The following CNTN6 variants were observed in gnomAD, a reference collection of about 807,000 sequenced individuals.
CNTN6 encodes the protein contactin-6.
CNTN6 carries 137 observed loss-of-function variants against 122.8 expected under a neutral mutation model. The ratio of observed to expected loss-of-function variants is 1.12; its 90% CI spans 0.97 to 1.29. CNTN6 has a LOEUF of 1.29. Among genes scored for constraint, CNTN6 ranks in the 50% most tolerant of loss-of-function variants. The probability of loss-of-function intolerance (pLI) is 0.00; values close to 1 mark genes in which losing one functional copy is unlikely to be tolerated. For missense variants in CNTN6, 1,634 were observed against 1,223.4 expected, an observed-to-expected ratio of 1.34 and a Z score of -5.01; for synonymous variants, 570 against 426.0, an observed-to-expected ratio of 1.34 and a Z score of -4.16.
intron 1 of CNTN6, among the ~76,000 whole-genome samples, chr3:1,100,040 C>T (rs1189490278): frequency 6.6e-6 from 1 of 152,086 alleles, no homozygotes. Context: ...CATATTTGCA[C>T]TATTTATTTT....
chr3:1,133,301 G>T (rs1197611367), intron 1 of CNTN6, among the ~76,000 whole-genome samples: 1 of 152,080 alleles, frequency 6.6e-6, no homozygotes, highest in East Asian at 1.9e-4. Context: ...CAAATAACTT[G>T]ATCTTTTCAA....
In CNTN6 at chr3:1,403,484, C is replaced by A; in HGVS notation, c.*66C>A. 1.0e-6 allele frequency: 1 copy of A among 965,908 alleles called. No homozygotes were observed. Among genetic ancestry groups the A allele is most frequent in the South Asian group, 1.5e-5 (1 of 68,434 alleles). 59.8% of individuals were successfully genotyped at this position (965,908 alleles called of 1,614,324 possible). A position where few individuals can be genotyped will look rare whatever the true frequency, so the allele number is the denominator to read the frequency against. On this transcript the variant is annotated 3_prime_UTR_variant, in exon 23 of 23. Coordinates refer to ENST00000446702, the MANE Select transcript of CNTN6 (RefSeq NM_001289080.2). ...ATCATTCTGTATATATGCTCTCCAGCCTCTGACACAAGATGCGTTCTTAAT... is the reference window on the plus strand; with the variant it reads ...ATCATTCTGTATATATGCTCTCCAGACTCTGACACAAGATGCGTTCTTAAT...
At chr3:1,162,584 T>G (rs1012172939) in intron 2 of CNTN6, among the ~76,000 whole-genome samples, 2 of 152,244 alleles carry the variant, frequency 1.3e-5, no homozygotes, top group African/African-American at 4.8e-5. Context: ...GGGCTTTAAC[T>G]TGATATATCT....
intron 4 of CNTN6, among the ~76,000 whole-genome samples, chr3:1,249,935 T>C (rs535046254): frequency 3.9e-5 from 6 of 152,284 alleles, no homozygotes; most frequent in African/African-American, 1.4e-4. Context: ...TGTTTCTGTT[T>C]TGTTTTTTTG....
At chr3:1,319,605 T>A (rs1700567318) in intron 7 of CNTN6, among the ~76,000 whole-genome samples, 1 of 151,608 alleles carries the variant, frequency 6.6e-6, no homozygotes, top group South Asian at 2.1e-4. Context: ...TTACTTATAT[T>A]TTGTCTGAAT....
intron 3 of CNTN6, 90 bp from the exon 4 acceptor site, chr3:1,227,728 T>G (rs889463991): frequency 2.1e-5 from 28 of 1,342,184 alleles, no homozygotes; most frequent in Non-Finnish European, 2.9e-5. Flanking sequence ...GTGTTTTTTA[T>G]AGTTGCAGGA....
intron 1 of CNTN6, among the ~76,000 whole-genome samples, chr3:1,106,540 A>G (rs1397948668): frequency 2.7e-5 from 4 of 148,416 alleles, no homozygotes; most frequent in African/African-American, 7.9e-5. Context: ...ACACACACAC[A>G]CACGCACAAT....
intron 11 of CNTN6, among the ~76,000 whole-genome samples, chr3:1,333,721 A>G (rs1401272932): frequency 6.6e-6 from 1 of 152,124 alleles, no homozygotes; most frequent in African/African-American, 2.4e-5. Flanking sequence ...AAGTAATCAG[A>G]CTGAAGTGCT....
intron 2 of CNTN6, among the ~76,000 whole-genome samples, chr3:1,154,514 G>A (rs947514637): frequency 2.9e-4 from 43 of 149,950 alleles, no homozygotes; most frequent in African/African-American, 1.0e-3. Flanking sequence ...CACAATCTTG[G>A]CTCACTGCAA....
intron 1 of CNTN6, among the ~76,000 whole-genome samples, chr3:1,107,783 G>T (rs146585934): frequency 3.3e-5 from 5 of 152,116 alleles, no homozygotes; most frequent in Non-Finnish European, 7.4e-5. Context: ...ATATCTATAA[G>T]GGTTGTGGTC....
chr3:1,216,099 T>A (rs2094126806), intron 2 of CNTN6, among the ~76,000 whole-genome samples: 1 of 152,174 alleles, frequency 6.6e-6, no homozygotes, highest in African/African-American at 2.4e-5. Flanking sequence ...GGCATGACAT[T>A]ATTAATTGGT....
chr3:1,303,615 C>T lies in CNTN6; in HGVS notation c.761+5624C>T, dbSNP rs192960306. On this transcript the variant is annotated intron_variant, in intron 7 of 22. Transcript: ENST00000446702. ...TATATAGGAGCCCTAAATAAGTCCT[C>T]GCTTGCTAATTCTATCATCTCAGTT... 2.7e-3 allele frequency among the ~76,000 whole-genome samples: 407 copies of T among 152,226 alleles called. 2 individuals carry two copies. The highest frequency in any genetic ancestry group is 0.01 in the Middle Eastern group (3 of 294).
intron 7 of CNTN6, among the ~76,000 whole-genome samples, chr3:1,311,863 A>C (rs975669173): frequency 3.9e-5 from 6 of 152,050 alleles, no homozygotes; most frequent in African/African-American, 1.4e-4. Flanking sequence ...CCTCATTTGT[A>C]ATGACAATGA....
At chr3:1,244,121 C>T (rs60718848) in intron 4 of CNTN6, among the ~76,000 whole-genome samples, 8,961 of 152,140 alleles carry the variant, frequency 0.059, 354 homozygotes, top group East Asian at 0.14. Context: ...CAAGTTTGTA[C>T]TGGGGCCAAG....
At chr3:1,299,354 A>G (rs1299286962) in intron 7 of CNTN6, among the ~76,000 whole-genome samples, 1 of 152,160 alleles carries the variant, frequency 6.6e-6, no homozygotes, top group African/African-American at 2.4e-5. Flanking sequence ...TTAAAAGAAA[A>G]CCAATGAAAG....
chr3:1,291,868 A>C (rs1211061832), intron 5 of CNTN6, among the ~76,000 whole-genome samples: 2 of 152,188 alleles, frequency 1.3e-5, no homozygotes, highest in Non-Finnish European at 2.9e-5. Flanking sequence ...AATACATGAG[A>C]ACAGCACGAG....
intron 8 of CNTN6, among the ~76,000 whole-genome samples, chr3:1,323,168 A>G (rs957516360): frequency 6.6e-6 from 1 of 151,800 alleles, no homozygotes; most frequent in South Asian, 2.1e-4. Context: ...ATTCACTTAT[A>G]GAATTCTTAA....
intron 19 of CNTN6, among the ~76,000 whole-genome samples, chr3:1,384,830 T>TATAA (rs1491355237): frequency 2.1e-5 from 3 of 142,058 alleles, no homozygotes; most frequent in East Asian, 4.0e-4. Context: ...TATATATATA[T>TATAA]AACCATAATC....
At chr3:1,388,771 A>C (rs1257824935) in intron 20 of CNTN6, among the ~76,000 whole-genome samples, 103 of 150,094 alleles carry the variant, frequency 6.9e-4, no homozygotes, top group African/African-American at 2.4e-3. Flanking sequence ...AGAATGCAGA[A>C]GCCTCAGGAG....
Sources: gnomAD v4.1 joint callset for allele counts (sites outside exome capture counted in the v4.1 genomes callset) on GRCh38, gnomAD v4.1.1 for gene constraint, MANE v1.5 for transcripts, NCBI Gene and HGNC (gene_info 2026-07-23, HGNC 2026-07-21) for gene names.